The following PCDH11Y variants were observed in gnomAD, a reference collection of about 807,000 sequenced individuals.
The protein encoded by PCDH11Y is protocadherin 11 Y-linked.
For missense variants in PCDH11Y, 12 were observed against 224.8 expected (o/e 0.05, Z 6.05); for synonymous variants, 9 against 83.6 (o/e 0.11, Z 4.87).
chrY:5,619,599 T>C (rs2053497781), intron 4 of PCDH11Y, among the ~76,000 whole-genome samples: 1 of 32,463 alleles, frequency 3.1e-5, no homozygotes, highest in South Asian at 6.8e-4. Flanking sequence ...TTGGTTTTCT[T>C]TTAGGAAACA....
chrY:5,674,986 G>C (rs2053552443), intron 4 of PCDH11Y, among the ~76,000 whole-genome samples: 1 of 33,734 alleles, frequency 3.0e-5, no homozygotes, highest in African/African-American at 1.2e-4. Context: ...TATTTCATAA[G>C]CTATTATGAC....
intron 2 of PCDH11Y, among the ~76,000 whole-genome samples, chrY:5,439,859 C>G: frequency 3.1e-5 from 1 of 32,461 alleles, no homozygotes; most frequent in Non-Finnish European, 7.6e-5. Flanking sequence ...TCCAATACAC[C>G]CCTTAATCTA....
At chrY:5,214,102 A>G in intron 2 of PCDH11Y, among the ~76,000 whole-genome samples, 1 of 33,057 alleles carries the variant, frequency 3.0e-5, no homozygotes. Flanking sequence ...CCTGGGCAAC[A>G]GAGCGAGACT....
At chrY:5,601,597 G>A (rs2053472740) in intron 4 of PCDH11Y, among the ~76,000 whole-genome samples, 1 of 32,519 alleles carries the variant, frequency 3.1e-5, no homozygotes, top group Non-Finnish European at 7.5e-5. Context: ...ACAAGACCTG[G>A]ACATGATAAC....
chrY:5,332,344 G>A, intron 2 of PCDH11Y, among the ~76,000 whole-genome samples: 2 of 33,652 alleles, frequency 5.9e-5, no homozygotes, highest in Non-Finnish European at 1.5e-4. Context: ...TGTGTCATGG[G>A]CCATGGTCAC....
At chrY:5,638,373 G>A in intron 4 of PCDH11Y, among the ~76,000 whole-genome samples, 1 of 32,092 alleles carries the variant, frequency 3.1e-5, no homozygotes, top group Non-Finnish European at 7.6e-5. Context: ...CATGCCTAGT[G>A]CTTAATACAA....
intron 2 of PCDH11Y, among the ~76,000 whole-genome samples, chrY:5,376,289 G>A (rs2053197869): frequency 3.2e-5 from 1 of 31,433 alleles, no homozygotes; most frequent in Non-Finnish European, 7.7e-5. Context: ...TCAGCCTTCC[G>A]AGTAGCTGGG....
At chrY:5,074,453 A>G in intron 1 of PCDH11Y, among the ~76,000 whole-genome samples, 2 of 24,463 alleles carry the variant, frequency 8.2e-5, no homozygotes, top group Non-Finnish European at 1.9e-4. Flanking sequence ...TTTGAATAAC[A>G]CATACTTTAG....
chrY:5,418,115 G>A, intron 2 of PCDH11Y, among the ~76,000 whole-genome samples: 1 of 31,760 alleles, frequency 3.1e-5, no homozygotes. Flanking sequence ...AAGACAGTAT[G>A]TTGTAATGCC....
At chrY:5,726,063 C>T in intron 4 of PCDH11Y, among the ~76,000 whole-genome samples, 4 of 32,773 alleles carry the variant, frequency 1.2e-4, no homozygotes, top group African/African-American at 4.7e-4. Context: ...TTGGTAAGTG[C>T]GTAAAGAAAT....
chrY:5,551,609 T>C (rs2053418691), intron 3 of PCDH11Y, among the ~76,000 whole-genome samples: 3 of 32,033 alleles, frequency 9.4e-5, no homozygotes, highest in Non-Finnish European at 2.3e-4. Context: ...CTGAAGTAAT[T>C]TGAGAAAACA....
intron 1 of PCDH11Y, among the ~76,000 whole-genome samples, chrY:5,017,923 G>A (rs2052563260): frequency 3.0e-5 from 1 of 32,849 alleles, no homozygotes; most frequent in South Asian, 6.6e-4. Flanking sequence ...ACCAGAATGC[G>A]AAATATAAAT....
chrY:5,101,682 A>G (rs2052779826), downstream of PCDH11Y, among the ~76,000 whole-genome samples: 1 of 33,603 alleles, frequency 3.0e-5, no homozygotes, highest in South Asian at 6.5e-4. Flanking sequence ...AATACAAGCA[A>G]TGGAATTTAC....
intron 2 of PCDH11Y, among the ~76,000 whole-genome samples, chrY:5,416,605 A>G (rs2053253567): frequency 3.1e-5 from 1 of 32,639 alleles, no homozygotes; most frequent in Non-Finnish European, 7.5e-5. Context: ...GGAGAAAGGA[A>G]GGCACAGGTC....
intron 2 of PCDH11Y, among the ~76,000 whole-genome samples, chrY:5,459,546 C>A: frequency 3.2e-5 from 1 of 31,735 alleles, no homozygotes; most frequent in African/African-American, 1.2e-4. Flanking sequence ...CAAAGAACAA[C>A]CACAGAGAAA....
At chrY:5,325,588 C>A (rs2053118591) in intron 2 of PCDH11Y, among the ~76,000 whole-genome samples, 1 of 33,066 alleles carries the variant, frequency 3.0e-5, no homozygotes, top group African/African-American at 1.2e-4. Context: ...TTAGAGAGTG[C>A]CTAAGGAGAT....
At chrY:5,346,139 G>A in intron 2 of PCDH11Y, among the ~76,000 whole-genome samples, 2 of 33,751 alleles carry the variant, frequency 5.9e-5, no homozygotes, top group South Asian at 1.3e-3. Flanking sequence ...TTCTTGGACC[G>A]TATTAGCAAT....
intron 4 of PCDH11Y, among the ~76,000 whole-genome samples, chrY:5,613,003 T>A: frequency 3.4e-5 from 1 of 29,771 alleles, no homozygotes; most frequent in Non-Finnish European, 8.0e-5. Context: ...GTAGCTGGGA[T>A]TACAGGTGCA....
At chrY:5,366,870 G>A in intron 2 of PCDH11Y, among the ~76,000 whole-genome samples, 1 of 31,472 alleles carries the variant, frequency 3.2e-5, no homozygotes, top group Admixed American at 3.0e-4. Context: ...ACAGGCATGC[G>A]CCACCATATC....
Sources: allele counts gnomAD v4.1 joint callset (sites outside exome capture counted in the v4.1 genomes callset), GRCh38; gene constraint gnomAD v4.1.1; transcripts MANE v1.5; gene names NCBI Gene and HGNC (gene_info 2026-07-23, HGNC 2026-07-21).